The following MED22 variants were observed in gnomAD, a reference collection of about 807,000 sequenced individuals.
MED22 encodes the protein mediator complex subunit 22.
Under a neutral mutation model 22.7 loss-of-function variants are expected in MED22, and 22 were observed. The observed-to-expected ratio is 0.97, with a 90% CI of 0.69 to 1.38. The LOEUF (loss-of-function observed/expected upper bound fraction) is 1.38. Among genes scored for constraint, MED22 ranks in the 40% most tolerant of loss-of-function variants. The pLI is 0.00. For synonymous variants in MED22, 134 were observed against 119.4 expected (o/e 1.12, Z -0.80); for missense variants, 247 against 263.0 (o/e 0.94, Z 0.42).
rs2129941634 is a variant in MED22, at chr9:133,338,826, G to A, written c.*2679C>T. 79 of 391,078 alleles carry A rather than the reference G, an allele frequency of 2.0e-4. No individual in the cohort carries two copies. The highest frequency in any genetic ancestry group is 7.7e-4 in the African/African-American group (37 of 47,978). The allele number at this position is 391,078 out of a possible 1,614,324, so 24.2% of individuals were successfully genotyped here. ...ACTTCTGACCACAAGTGATCCACCC[G>A]CTTTGGCTTCTCAAAGTGCTGGGAT... On this transcript the variant is annotated 3_prime_UTR_variant, in exon 5 of 5. Transcript: ENST00000343730.
intron 4 of MED22, chr9:133,342,970 G>A (rs1836056714): frequency 2.0e-6 from 2 of 985,774 alleles, no homozygotes; most frequent in African/African-American, 1.7e-5. Flanking sequence ...AAACTGAACA[G>A]CTGTGGAAGG....
chr9:133,344,278 A>C lies in MED22; in HGVS notation c.260T>G (p.Ile87Ser). Residue 87 changes from isoleucine (I) to serine (S), a missense_variant, in exon 4 of 5, where the codon ATC becomes AGC. Transcript: ENST00000343730. ...GTTCACGGAGGGGAAGTCATTGAGG[A>C]TCAGGAACTGCTTGAGGTCGGACAC... is the stretch of plus-strand genomic sequence containing the variant. ...KLVSDLKQFL[I>S]LNDFPSVNEA... is the part of the protein sequence containing the mutation. 1 of 1,614,138 alleles carries C rather than the reference A, an allele frequency of 6.2e-7. No individual in the cohort carries two copies. The highest frequency in any genetic ancestry group is 8.5e-7 in the Non-Finnish European group (1 of 1,180,028).
In MED22 at chr9:133,339,220, C is replaced by T. The variant is rs1835954900; in HGVS notation, c.*2285G>A. On this transcript the variant is annotated 3_prime_UTR_variant, in exon 5 of 5. Transcript: ENST00000343730. ...AGCATGCTGTTGGCACTGTTGTAAA[C>T]AAGTAAGGGCAAGATTCTTGCCAAG... The T allele has an allele frequency of 1.4e-6, 1 of 696,952 alleles. No individual in the cohort carries two copies. The highest frequency in any genetic ancestry group is 1.4e-5 in the South Asian group (1 of 73,520). The allele number at this position is 696,952 out of a possible 1,614,324, so 43.2% of individuals were successfully genotyped here.
At chr9:133,342,655 A>AG (rs1262050798) in intron 4 of MED22, 3 of 985,638 alleles carry the variant, frequency 3.0e-6, no homozygotes, top group Non-Finnish European at 3.6e-6. Flanking sequence ...TGTACAGAGG[A>AG]GGGCAACTGC....
intron 4 of MED22, chr9:133,343,559 G>C: frequency 8.1e-7 from 1 of 1,241,702 alleles, no homozygotes; most frequent in Non-Finnish European, 1.0e-6. Flanking sequence ...AAGGCTGAGT[G>C]GGTCACGAAT....
chr9:133,345,661 C>A (rs2129966007), intron 2 of MED22, among the ~76,000 whole-genome samples: 7 of 152,138 alleles, frequency 4.6e-5, no homozygotes, highest in African/African-American at 1.7e-4. Context: ...GCGACCATTT[C>A]CTGATCACTT....
rs1835979690 is a variant in MED22, at chr9:133,340,666, A to G, written c.*839T>C. 6.6e-6 allele frequency: 1 copy of G among 152,276 alleles called. No homozygotes were observed. The allele number at this position is 152,276 out of a possible 1,614,324, so 9.4% of individuals were successfully genotyped here. A position where few individuals can be genotyped will look rare whatever the true frequency, so the allele number is the denominator to read the frequency against. ...CTCTCCTCTCTAAAATACCGGCACT[A>G]GGAGCACCGGCTCTGGTAGCAGTGA... On this transcript the variant is annotated 3_prime_UTR_variant, in exon 5 of 5. Coordinates refer to ENST00000343730, the MANE Select transcript of MED22 (RefSeq NM_133640.5).
At chr9:133,346,394 T>C (rs2129968093) in intron 2 of MED22, 146 bp downstream of exon 2, 1 of 954,024 alleles carries the variant, frequency 1.0e-6, no homozygotes, top group Non-Finnish European at 1.6e-6. Context: ...TGCCATTATT[T>C]GGTTTGCTTA....
intron 4 of MED22, chr9:133,342,936 G>A (rs2129955334): frequency 1.7e-5 from 17 of 985,594 alleles, no homozygotes; most frequent in Admixed American, 1.2e-4. Context: ...CCTCAGGGAC[G>A]GTGGCTGCCT....
At chr9:133,341,794 C>A in intron 4 of MED22, 100 bp from the exon 5 acceptor site, 1 of 1,515,712 alleles carries the variant, frequency 6.6e-7, no homozygotes, top group Non-Finnish European at 8.8e-7. Flanking sequence ...GAAAACACGA[C>A]CACACCCCAG....
intron 3 of MED22, among the ~76,000 whole-genome samples, chr9:133,344,744 G>A (rs1181996031): frequency 3.9e-5 from 6 of 152,326 alleles, no homozygotes; most frequent in Admixed American, 6.5e-5. Context: ...AGCCCTGGAC[G>A]TGCACCTGCG....
At chr9:133,344,429 A>G in intron 3 of MED22, 96 bp from the exon 4 acceptor site, 1 of 1,266,964 alleles carries the variant, frequency 7.9e-7, no homozygotes. Flanking sequence ...CCTCTCTAGG[A>G]GCCTCAGCTT....
chr9:133,343,538 G>A (rs2129957054), intron 4 of MED22: 2 of 1,238,150 alleles, frequency 1.6e-6, no homozygotes, highest in African/African-American at 3.1e-5. Flanking sequence ...GTTGGCTCCA[G>A]CTCCGTGGAT....
In MED22 at chr9:133,345,154, T is replaced by C; in HGVS notation, c.204+18A>G. 2 of 1,612,734 alleles carry C rather than the reference T, an allele frequency of 1.2e-6. No homozygotes were observed. Among genetic ancestry groups the C allele is most frequent in the South Asian group, 2.2e-5 (2 of 91,028 alleles). On this transcript the variant is annotated intron_variant, in intron 3 of 4. Transcript: ENST00000343730. ...TGCTCTTGGAGCCCAGGCCGTGCCC[T>C]CCACCCTGGCCACTCACGATGTTGG...
At chr9:133,342,727 G>A in intron 4 of MED22, 1 of 986,096 alleles carries the variant, frequency 1.0e-6, no homozygotes, top group Non-Finnish European at 1.2e-6. Flanking sequence ...GAGGCCTGCG[G>A]GAGGGGACAC....
chr9:133,339,240 G>C lies in MED22; in HGVS notation c.*2265C>G. 1 of 692,342 alleles carries C rather than the reference G, an allele frequency of 1.4e-6. No homozygotes were observed. The highest frequency in any genetic ancestry group is 1.4e-5 in the South Asian group (1 of 72,186). 42.9% of individuals were successfully genotyped at this position (692,342 alleles called of 1,614,324 possible). On this transcript the variant is annotated 3_prime_UTR_variant, in exon 5 of 5. Transcript: ENST00000343730. ...GTAAACAAGTAAGGGCAAGATTCTT[G>C]CCAAGAGAATGAATGTGCATATTCA...
Position 133,338,636 on chromosome 9 carries a change from T to G in MED22, c.*2869A>C, listed in dbSNP as rs1835942240. 4.3e-6 allele frequency: 1 copy of G among 231,018 alleles called. No homozygotes were observed. The highest frequency in any genetic ancestry group is 8.7e-6 in the Non-Finnish European group (1 of 114,410). 14.3% of individuals were successfully genotyped at this position (231,018 alleles called of 1,614,324 possible). A position where few individuals can be genotyped will look rare whatever the true frequency, so the allele number is the denominator to read the frequency against. On this transcript the variant is annotated 3_prime_UTR_variant, in exon 5 of 5. Transcript: ENST00000343730. ...CTATACTTTTTAGTAGAGACAGGGTTTCTCCATGTTGGTCAGGCTGGTCTG... is the reference window on the plus strand; with the variant it reads ...CTATACTTTTTAGTAGAGACAGGGTGTCTCCATGTTGGTCAGGCTGGTCTG...
At chr9:133,343,565 C>T (rs1836078393) in intron 4 of MED22, 14 of 1,241,714 alleles carry the variant, frequency 1.1e-5, no homozygotes, top group Middle Eastern at 6.2e-4. Flanking sequence ...GAGTGGGTCA[C>T]GAATTGGAGC....
chr9:133,339,414 TG>T lies in MED22; in HGVS notation c.*2090del. 1.3e-6 allele frequency: 1 copy of T among 786,862 alleles called. No homozygotes were observed. The highest frequency in any genetic ancestry group is 2.3e-6 in the Non-Finnish European group (1 of 436,318). 48.7% of individuals were successfully genotyped at this position (786,862 alleles called of 1,614,324 possible). A position where few individuals can be genotyped will look rare whatever the true frequency, so the allele number is the denominator to read the frequency against. On this transcript the variant is annotated 3_prime_UTR_variant, in exon 5 of 5. Transcript: ENST00000343730. ...CAGAGCAGCACACTGTGAGAACCAA[TG>T]GGAAGGAGCCTGAGCTGCTGGAACC...
Sources: allele counts gnomAD v4.1 joint callset (sites outside exome capture counted in the v4.1 genomes callset), GRCh38; gene constraint gnomAD v4.1.1; transcripts MANE v1.5; gene names NCBI Gene and HGNC (gene_info 2026-07-23, HGNC 2026-07-21).